The following FSTL5 variants were observed in gnomAD, a reference collection of about 807,000 sequenced individuals.
FSTL5 encodes follistatin-related protein 5.
In FSTL5, 62 loss-of-function variants were observed where a neutral mutation model predicts 89.1. That is an observed-to-expected ratio of 0.70 (90% confidence interval 0.57 to 0.86). FSTL5 has a LOEUF of 0.86. Among genes scored for constraint, FSTL5 ranks in the 40% least tolerant of loss-of-function variants. FSTL5 has a pLI of 0.00. For missense variants in FSTL5, 1,057 were observed against 1,001.6 expected (o/e 1.06, Z -0.75); for synonymous variants, 383 against 346.2 (o/e 1.11, Z -1.18).
chr4:161,982,264 C>A (rs1735846676), intron 3 of FSTL5, among the ~76,000 whole-genome samples: 1 of 152,182 alleles, frequency 6.6e-6, no homozygotes, highest in Non-Finnish European at 1.5e-5. Flanking sequence ...ATACTCCCCA[C>A]TGATTGTTCA....
intron 3 of FSTL5, among the ~76,000 whole-genome samples, chr4:161,996,239 G>T (rs920495103): frequency 2.0e-5 from 3 of 152,176 alleles, no homozygotes; most frequent in Non-Finnish European, 2.9e-5. Flanking sequence ...TTAACCATAA[G>T]CTATCTGACT....
intron 7 of FSTL5, among the ~76,000 whole-genome samples, chr4:161,646,672 T>TA (rs1246264359): frequency 2.0e-5 from 3 of 152,152 alleles, no homozygotes; most frequent in Non-Finnish European, 4.4e-5. Context: ...CTGGTTGAAT[T>TA]AAAATTATAA....
chr4:161,943,850 T>C (rs1033276342), intron 3 of FSTL5, among the ~76,000 whole-genome samples: 5 of 152,066 alleles, frequency 3.3e-5, no homozygotes, highest in Non-Finnish European at 5.9e-5. Context: ...CCACTGCGCC[T>C]GGCCCATAAC....
At chr4:162,148,004 T>C (rs555822927) in intron 1 of FSTL5, among the ~76,000 whole-genome samples, 37 of 151,942 alleles carry the variant, frequency 2.4e-4, no homozygotes, top group Non-Finnish European at 4.3e-4. Flanking sequence ...AAACTCTGCC[T>C]CCAAAAAAAC....
chr4:161,964,657 T>A (rs922793764), intron 3 of FSTL5, among the ~76,000 whole-genome samples: 17 of 152,158 alleles, frequency 1.1e-4, no homozygotes, highest in Admixed American at 5.9e-4. Flanking sequence ...TATGGTGTTC[T>A]TTCATGAAAA....
chr4:161,558,388 T>A lies in FSTL5; in HGVS notation c.1016-15695A>T, dbSNP rs75450197. Among the ~76,000 whole-genome samples, 749 of 151,988 alleles carry A rather than the reference T, an allele frequency of 4.9e-3. 7 individuals carry two copies. The highest frequency in any genetic ancestry group is 0.017 in the African/African-American group (703 of 41,512). On this transcript the variant is annotated intron_variant, in intron 8 of 15. Coordinates refer to ENST00000306100, the MANE Select transcript of FSTL5 (RefSeq NM_020116.5). Reference sequence around the variant, plus strand: ...GTTTTACAGGATCTTTCTGCATTGTTACTTAAAACTGCATAAGAATTTACA... The same window carrying A: ...GTTTTACAGGATCTTTCTGCATTGTAACTTAAAACTGCATAAGAATTTACA...
Position 161,395,224 on chromosome 4 carries a change from T to C in FSTL5, c.1842-8775A>G. 2.6e-5 allele frequency among the ~76,000 whole-genome samples: 4 copies of C among 152,204 alleles called. No individual in the cohort carries two copies. In the Middle Eastern group the frequency reaches 0.014, roughly 518 times the overall value. On this transcript the variant is annotated intron_variant, in intron 15 of 15. Transcript: ENST00000306100. ...TGCAAACATAGGGGCAAAGATGATA[T>C]AATAGAATATAGGTAACACTAGAAA...
intron 15 of FSTL5, among the ~76,000 whole-genome samples, chr4:161,396,139 C>T (rs1432351885): frequency 2.7e-5 from 4 of 150,772 alleles, no homozygotes; most frequent in East Asian, 1.9e-4. Flanking sequence ...AAAAACACTG[C>T]GAGAGAAGCC....
At chr4:161,843,573 A>G (rs1327382837) in intron 4 of FSTL5, among the ~76,000 whole-genome samples, 1 of 152,184 alleles carries the variant, frequency 6.6e-6, no homozygotes, top group Admixed American at 6.5e-5. Context: ...CCAAAACAGC[A>G]TGGTACTGGT....
At chr4:161,595,362 A>G (rs1484126297) in intron 7 of FSTL5, among the ~76,000 whole-genome samples, 1 of 151,950 alleles carries the variant, frequency 6.6e-6, no homozygotes, top group Non-Finnish European at 1.5e-5. Context: ...TTATAATCTT[A>G]CTGCCAATGG....
intron 3 of FSTL5, among the ~76,000 whole-genome samples, chr4:161,986,498 G>A (rs1735966914): frequency 1.3e-5 from 2 of 152,192 alleles, no homozygotes; most frequent in Admixed American, 1.3e-4. Context: ...GTTGCAGTGA[G>A]CCGAGATTGT....
rs750166053 is a variant in FSTL5, at chr4:161,776,026, A to G, written c.458T>C (p.Leu153Ser). ...TEYSKMKNML[L>S]DLQNQKYIMQ... The stretch of plus-strand genomic sequence containing the variant: ...AATATATTTTTGATTTTGTAAATCT[A>G]ATAGCATATTTTTCATCTTGCTGTA... The change falls in exon 5 of 16, where the codon TTA becomes TCA. Residue 153 changes from leucine (L) to serine (S), a missense_variant. Coordinates refer to ENST00000306100, the MANE Select transcript of FSTL5 (RefSeq NM_020116.5). 6 of 1,591,834 alleles carry G rather than the reference A, an allele frequency of 3.8e-6. No individual in the cohort carries two copies. The highest frequency in any genetic ancestry group is 4.3e-6 in the Non-Finnish European group (5 of 1,164,232).
chr4:161,477,652 ATTT>A (rs2126447446), intron 13 of FSTL5, among the ~76,000 whole-genome samples: 1 of 57,474 alleles, frequency 1.7e-5, no homozygotes, highest in Non-Finnish European at 4.0e-5. Context: ...CTCTGAACTT[ATTT>A]AATCATCCTC....
intron 1 of FSTL5, among the ~76,000 whole-genome samples, chr4:162,133,050 C>G (rs1732372297): frequency 6.6e-6 from 1 of 152,166 alleles, no homozygotes; most frequent in South Asian, 2.1e-4. Context: ...TCACGCCCTT[C>G]TCCTACCTCA....
intron 4 of FSTL5, among the ~76,000 whole-genome samples, chr4:161,875,800 G>T (rs935826567): frequency 3.9e-5 from 6 of 152,074 alleles, no homozygotes; most frequent in African/African-American, 7.2e-5. Flanking sequence ...GGCCAATACT[G>T]GGGGCATCAG....
intron 1 of FSTL5, among the ~76,000 whole-genome samples, chr4:162,159,159 A>C (rs1047487092): frequency 6.6e-6 from 1 of 152,060 alleles, no homozygotes; most frequent in African/African-American, 2.4e-5. Context: ...AGACAAAAAA[A>C]CAATATCTAG....
chr4:161,617,010 A>C (rs1172519202), intron 7 of FSTL5, among the ~76,000 whole-genome samples: 1 of 151,616 alleles, frequency 6.6e-6, no homozygotes, highest in African/African-American at 2.4e-5. Flanking sequence ...GTCAATAAAA[A>C]CTTAACTTTT....
chr4:162,113,247 G>A (rs1731515481), intron 1 of FSTL5, among the ~76,000 whole-genome samples: 1 of 152,088 alleles, frequency 6.6e-6, no homozygotes. Context: ...ATTCATCTGT[G>A]TACTTAAACC....
At chr4:162,140,516 C>T (rs1312448414) in intron 1 of FSTL5, among the ~76,000 whole-genome samples, 2 of 139,848 alleles carry the variant, frequency 1.4e-5, no homozygotes, top group African/African-American at 5.1e-5. Context: ...GGGTGAGGAC[C>T]AGTTTGAGCA....
Sources: allele counts gnomAD v4.1 joint callset (sites outside exome capture counted in the v4.1 genomes callset), GRCh38; gene constraint gnomAD v4.1.1; transcripts MANE v1.5; gene names NCBI Gene and HGNC (gene_info 2026-07-23, HGNC 2026-07-21).